The following EPHA7 variants were observed in gnomAD, a reference collection of about 807,000 sequenced individuals.
EPHA7 encodes the protein EPH receptor A7.
In EPHA7, 25 loss-of-function variants were observed where a neutral mutation model predicts 112.6. The ratio of observed to expected loss-of-function variants is 0.22; its 90% CI spans 0.16 to 0.31. EPHA7 has a LOEUF of 0.31. EPHA7 is among the 10% of genes least tolerant of loss of function. The probability of loss-of-function intolerance (pLI) is 1.00; values close to 1 mark genes in which losing one functional copy is unlikely to be tolerated. For missense variants in EPHA7, 962 were observed against 1,212.6 expected (o/e 0.79, Z 3.07); for synonymous variants, 437 against 406.5 (o/e 1.07, Z -0.90).
chr6:93,271,045 T>C (rs1023609149), intron 6 of EPHA7, among the ~76,000 whole-genome samples: 1 of 151,700 alleles, frequency 6.6e-6, no homozygotes, highest in Non-Finnish European at 1.5e-5. Flanking sequence ...GCTTTTGAAA[T>C]TGGATGCAAT....
intron 5 of EPHA7, among the ~76,000 whole-genome samples, chr6:93,316,432 T>G (rs1410053980): frequency 3.9e-5 from 6 of 152,150 alleles, no homozygotes; most frequent in Non-Finnish European, 8.8e-5. Flanking sequence ...CCTGTGAGGT[T>G]ACATATGTTT....
chr6:93,358,198 AACAGT>A (rs1438209971), intron 4 of EPHA7, 53 bp downstream of exon 4: 3 of 1,330,056 alleles, frequency 2.3e-6, no homozygotes, highest in Non-Finnish European at 3.0e-6. Context: ...TTGATGTCAC[AACAGT>A]ACAAATGAGT....
At position 93,384,965 on chromosome 6, in the gene EPHA7, C is replaced by T. The variant is rs1316835906; in HGVS notation, c.832+25536G>A. On this transcript the variant is annotated intron_variant, in intron 3 of 16. Coordinates refer to ENST00000369303, the MANE Select transcript of EPHA7 (RefSeq NM_004440.4). Reference sequence around the variant, plus strand: ...TCAAAAACTAGTTGCACTACAAACACAAATATGTGTGTAATATAAAATATA... The same window carrying T: ...TCAAAAACTAGTTGCACTACAAACATAAATATGTGTGTAATATAAAATATA... Among the ~76,000 whole-genome samples, 6 of 152,062 alleles carry T rather than the reference C, an allele frequency of 3.9e-5. No homozygotes were observed. In the South Asian group the frequency reaches 6.2e-4, roughly 16 times the overall value.
At chr6:93,340,245 T>C (rs1298123425) in intron 5 of EPHA7, among the ~76,000 whole-genome samples, 1 of 151,886 alleles carries the variant, frequency 6.6e-6, no homozygotes, top group Non-Finnish European at 1.5e-5. Flanking sequence ...TAAACTTTAC[T>C]ACAGAATTCA....
chr6:93,289,581 G>T (rs1205210734), intron 5 of EPHA7, among the ~76,000 whole-genome samples: 1 of 151,804 alleles, frequency 6.6e-6, no homozygotes, highest in South Asian at 2.1e-4. Context: ...CCAAGATCGC[G>T]CCACTGCACT....
At chr6:93,322,750 G>C (rs1383059699) in intron 5 of EPHA7, among the ~76,000 whole-genome samples, 1 of 151,398 alleles carries the variant, frequency 6.6e-6, no homozygotes. Context: ...TATTCTCTTT[G>C]GATTTAGTGA....
Position 93,419,203 on chromosome 6 carries a change from A to C in EPHA7, c.97+42T>G, listed in dbSNP as rs761889837. On this transcript the variant is annotated intron_variant, in intron 1 of 16. Coordinates refer to ENST00000369303, the MANE Select transcript of EPHA7 (RefSeq NM_004440.4). ...GCTGGCTTGTGCAGGTAGACATCTAAATAAATAAGTCAGAACAAACTTTGC... is the reference window on the plus strand; with the variant it reads ...GCTGGCTTGTGCAGGTAGACATCTACATAAATAAGTCAGAACAAACTTTGC... 3.9e-6 allele frequency: 6 copies of C among 1,554,270 alleles called. No individual in the cohort carries two copies. In the South Asian group the frequency reaches 6.7e-5, roughly 17 times the overall value.
At chr6:93,266,676 C>T (rs192803194) in intron 7 of EPHA7, among the ~76,000 whole-genome samples, 1 of 151,776 alleles carries the variant, frequency 6.6e-6, no homozygotes, top group Admixed American at 6.6e-5. Flanking sequence ...GCTCAAGTGA[C>T]TTCTTTTAGG....
At chr6:93,318,990 C>T (rs1425471628) in intron 5 of EPHA7, among the ~76,000 whole-genome samples, 1 of 152,030 alleles carries the variant, frequency 6.6e-6, no homozygotes, top group Non-Finnish European at 1.5e-5. Context: ...TTATCTTCCT[C>T]CTAATGTCAC....
chr6:93,411,412 G>A (rs1003690622), intron 2 of EPHA7, among the ~76,000 whole-genome samples: 1 of 152,038 alleles, frequency 6.6e-6, no homozygotes, highest in East Asian at 1.9e-4. Context: ...ATATCTTTCT[G>A]TGAGTATATT....
In EPHA7 at chr6:93,275,735, T is replaced by A. The variant is rs149100962; in HGVS notation, c.1325-3313A>T. ...TCTAATGACAGGCACAAAAGTAAAT[T>A]TGTGGAATGGGTTTGTTAGTATAAG... On this transcript the variant is annotated intron_variant, in intron 5 of 16. Coordinates refer to ENST00000369303, the MANE Select transcript of EPHA7 (RefSeq NM_004440.4). Among the ~76,000 whole-genome samples the A allele has an allele frequency of 2.6e-3, 397 of 151,928 alleles. 1 individual carries two copies. The highest frequency in any genetic ancestry group is 9.0e-3 in the African/African-American group (371 of 41,450).
chr6:93,279,102 T>C (rs771846620), intron 5 of EPHA7, among the ~76,000 whole-genome samples: 1 of 152,008 alleles, frequency 6.6e-6, no homozygotes, highest in Non-Finnish European at 1.5e-5. Flanking sequence ...AATTCAAAAA[T>C]ACTAAAGCGT....
chr6:93,352,310 A>T (rs1313511197), intron 5 of EPHA7, among the ~76,000 whole-genome samples: 2 of 152,130 alleles, frequency 1.3e-5, no homozygotes, highest in Non-Finnish European at 2.9e-5. Context: ...TAACGTTCAT[A>T]CTTCTGCATA....
Position 93,240,876 on chromosome 6 carries a change from C to A in EPHA7, c.*2550G>T, listed in dbSNP as rs62414212. The A allele has an allele frequency of 1.9e-3, 386 of 207,048 alleles. No individual in the cohort carries two copies. The highest frequency in any genetic ancestry group is 4.5e-3 in the Admixed American group (76 of 16,858). 12.8% of individuals were successfully genotyped at this position (207,048 alleles called of 1,614,324 possible). ...TTTCTCTTAATATTTGTTTCACATA[C>A]ATGTATTTCGAAATCATAATGTTGA... On this transcript the variant is annotated 3_prime_UTR_variant, in exon 17 of 17. Transcript: ENST00000369303.
chr6:93,359,874 G>GAGAGAGAGAGAGAGAGAGATAGAT (rs1462833873), intron 3 of EPHA7, among the ~76,000 whole-genome samples: 15 of 127,930 alleles, frequency 1.2e-4, no homozygotes, highest in Non-Finnish European at 2.0e-4. Context: ...GAGAGAGAGA[G>GAGAGAGAGAGAGAGAGAGATAGAT]AGATAGATAG....
intron 5 of EPHA7, among the ~76,000 whole-genome samples, chr6:93,336,644 G>A (rs529663754): frequency 8.6e-5 from 13 of 151,912 alleles, no homozygotes; most frequent in Non-Finnish European, 1.9e-4. Context: ...CTTGTGATCT[G>A]CCCGCCTTGG....
At chr6:93,299,243 G>C (rs940570060) in intron 5 of EPHA7, among the ~76,000 whole-genome samples, 2 of 151,770 alleles carry the variant, frequency 1.3e-5, no homozygotes, top group Non-Finnish European at 2.9e-5. Context: ...GGAGAATGGC[G>C]TGAACCCGGG....
chr6:93,358,480 A>T, intron 3 of EPHA7, 69 bp from the exon 4 acceptor site: 1 of 1,342,758 alleles, frequency 7.4e-7, no homozygotes, highest in Non-Finnish European at 1.0e-6. Flanking sequence ...AAATTGTATT[A>T]TTTAGCAAGG....
At chr6:93,256,309 A>C (rs575311769) in intron 12 of EPHA7, among the ~76,000 whole-genome samples, 1 of 152,270 alleles carries the variant, frequency 6.6e-6, no homozygotes, top group East Asian at 1.9e-4. Context: ...CCAAAAGTAT[A>C]TGCTAATTTT....
Sources: gnomAD v4.1 joint callset for allele counts (sites outside exome capture counted in the v4.1 genomes callset) on GRCh38, gnomAD v4.1.1 for gene constraint, MANE v1.5 for transcripts, NCBI Gene and HGNC (gene_info 2026-07-23, HGNC 2026-07-21) for gene names.